Variants in EPG5 observed in about 807,000 individuals in gnomAD.
EPG5 encodes the protein ectopic P granules protein 5 homolog.
A neutral mutation model predicts 302.7 loss-of-function variants in EPG5; 159 were observed. The ratio of observed to expected loss-of-function variants is 0.53; its 90% CI spans 0.46 to 0.60. EPG5 has a LOEUF of 0.60. EPG5 is among the 20% of genes least tolerant of loss of function. The probability of loss-of-function intolerance (pLI) is 0.00; values close to 1 mark genes in which losing one functional copy is unlikely to be tolerated. For synonymous variants in EPG5, 1,158 were observed against 1,136.8 expected (o/e 1.02, Z -0.37); for missense variants, 2,896 against 3,092.4 (o/e 0.94, Z 1.51).
chr18:45,807,799 CT>C, the EPG5 span, among the ~76,000 whole-genome samples: 7 of 152,184 alleles, frequency 4.6e-5, no homozygotes, highest in Non-Finnish European at 1.0e-4. Flanking sequence ...AAAACCAACT[CT>C]GGTAATATGG....
intron 27 of EPG5, among the ~76,000 whole-genome samples, chr18:45,893,543 ACT>A (rs1004266193): frequency 7.7e-6 from 1 of 130,014 alleles, no homozygotes; most frequent in Non-Finnish European, 1.7e-5. Flanking sequence ...ACAGAGTGAG[ACT>A]CTGTCTAAAA....
At position 45,916,176 on chromosome 18, in the gene EPG5, C is replaced by T. The variant is rs2050026890; in HGVS notation, c.3415G>A (p.Glu1139Lys). 15 of 1,613,934 alleles carry T rather than the reference C, an allele frequency of 9.3e-6. No homozygotes were observed. Among genetic ancestry groups the T allele is most frequent in the Non-Finnish European group, 1.3e-5 (15 of 1,179,876 alleles). Residue 1139 changes from glutamate to lysine, a missense_variant, in exon 19 of 44, where the codon GAA (glutamate) becomes AAA (lysine). This residue lies in a region of EPG5 where 1,390 missense variants were observed against 1,430.0 expected (regional missense o/e 0.97). Coordinates refer to ENST00000282041, the MANE Select transcript of EPG5 (RefSeq NM_020964.3). Reference protein sequence around the residue: ...AHISVSTQPNEVGPVAVLEFW... With the variant: ...AHISVSTQPNKVGPVAVLEFW... Reference sequence around the variant, plus strand: ...TCCAACACAGCAACGGGGCCCACTTCATTGGGCTGAGTGCTTACAGATATG... The same window carrying T: ...TCCAACACAGCAACGGGGCCCACTTTATTGGGCTGAGTGCTTACAGATATG...
the EPG5 span, among the ~76,000 whole-genome samples, chr18:45,829,339 C>CT: frequency 6.6e-6 from 1 of 152,224 alleles, no homozygotes; most frequent in African/African-American, 2.4e-5. Flanking sequence ...CTGGTTTGTG[C>CT]TGACAGTTGG....
chr18:45,860,878 T>G (rs995477693), intron 39 of EPG5, among the ~76,000 whole-genome samples: 5 of 152,168 alleles, frequency 3.3e-5, no homozygotes. Flanking sequence ...TATTTCTTTG[T>G]TTTTTAAATA....
intron 1 of EPG5, among the ~76,000 whole-genome samples, chr18:45,966,970 C>A (rs1268896760): frequency 6.6e-6 from 1 of 151,942 alleles, no homozygotes; most frequent in Non-Finnish European, 1.5e-5. Flanking sequence ...AAAATGGGGT[C>A]CTGACAGAGT....
At chr18:45,827,329 G>A in the EPG5 span, among the ~76,000 whole-genome samples, 1 of 152,184 alleles carries the variant, frequency 6.6e-6, no homozygotes, top group Non-Finnish European at 1.5e-5. Context: ...CAGGTGTGTG[G>A]GGCTTTTGGC....
intron 21 of EPG5, among the ~76,000 whole-genome samples, chr18:45,912,880 G>A (rs2049940323): frequency 6.6e-6 from 1 of 152,166 alleles, no homozygotes; most frequent in Admixed American, 6.5e-5. Context: ...TTCAGGTCAA[G>A]AGTTCAAGAC....
chr18:45,857,027 T>G (rs1403306618), intron 42 of EPG5, among the ~76,000 whole-genome samples: 1 of 152,158 alleles, frequency 6.6e-6, no homozygotes, highest in Non-Finnish European at 1.5e-5. Flanking sequence ...TAAGCAATTC[T>G]CCTGCCTCAG....
chr18:45,830,674 C>T, the EPG5 span, among the ~76,000 whole-genome samples: 1 of 145,906 alleles, frequency 6.9e-6, no homozygotes, highest in South Asian at 2.2e-4. Flanking sequence ...CAACCTCCGC[C>T]TCCCAGGTTC....
At chr18:45,806,988 C>G in the EPG5 span, among the ~76,000 whole-genome samples, 5 of 152,122 alleles carry the variant, frequency 3.3e-5, 1 homozygote, top group Admixed American at 3.3e-4. Context: ...CAGCCCTGCT[C>G]GCCCATTGCC....
intron 20 of EPG5, 43 bp downstream of exon 20, chr18:45,915,468 A>G: frequency 7.4e-7 from 1 of 1,354,740 alleles, no homozygotes; most frequent in East Asian, 2.3e-5. Flanking sequence ...ATGAGATTAA[A>G]GTTCACAAAG....
chr18:45,836,497 C>A, the EPG5 span, among the ~76,000 whole-genome samples: 5 of 152,284 alleles, frequency 3.3e-5, no homozygotes, highest in South Asian at 1.0e-3. Context: ...CCCCTCTCCC[C>A]CAAAGCAGCA....
At chr18:45,827,247 C>G in the EPG5 span, among the ~76,000 whole-genome samples, 1 of 152,180 alleles carries the variant, frequency 6.6e-6, no homozygotes, top group South Asian at 2.1e-4. Flanking sequence ...GAAACATTCT[C>G]TTTTCACAGA....
rs372581222 is a variant in EPG5, at chr18:45,943,208, A to T, written c.1896T>A (p.Asn632Lys). 6.2e-6 allele frequency: 10 copies of T among 1,614,192 alleles called. No individual in the cohort carries two copies. Among genetic ancestry groups the T allele is most frequent in the Non-Finnish European group, 7.6e-6 (9 of 1,180,026 alleles). The change falls in exon 9 of 44, where the codon AAT becomes AAA. Residue 632 changes from asparagine to lysine, a missense_variant. Coordinates refer to ENST00000282041, the MANE Select transcript of EPG5 (RefSeq NM_020964.3). ...TCACAAACTGCCTATAGCGTGCTCT[A>T]TTAAAGGTTTCTAACCCCACAGCCA... ...ELLAVGLETF[N>K]RARYRQFVKR...
Position 45,953,434 on chromosome 18 carries a change from C to T in EPG5, c.1009-791G>A, listed in dbSNP as rs898816893. On this transcript the variant is annotated intron_variant, in intron 2 of 43. Transcript: ENST00000282041. Reference sequence around the variant, plus strand: ...ATACAGTATTTCCAAATATTTCCCTCCTTACTATGTACAGAGATATACAGG... The same window carrying T: ...ATACAGTATTTCCAAATATTTCCCTTCTTACTATGTACAGAGATATACAGG... 7.1e-6 allele frequency: 7 copies of T among 985,258 alleles called. No individual in the cohort carries two copies. The African/African-American group carries it at 8.7e-5, about 12-fold the overall frequency. 61.0% of individuals were successfully genotyped at this position (985,258 alleles called of 1,614,324 possible).
chr18:45,934,841 A>T lies in EPG5; in HGVS notation c.2225T>A (p.Leu742Gln). The T allele has an allele frequency of 6.2e-7, 1 of 1,614,048 alleles. No individual in the cohort carries two copies. Among genetic ancestry groups the T allele is most frequent in the East Asian group, 2.2e-5 (1 of 44,874 alleles). ...CTGCTGCTTGCACTGGGCGGGCTGCAGGGAGGAGGAGAGCTGCTGCAGGTT... is the reference window on the plus strand; with the variant it reads ...CTGCTGCTTGCACTGGGCGGGCTGCTGGGAGGAGGAGAGCTGCTGCAGGTT... ...SENLQQLSSS[L>Q]QPAQCKQQLQ... The change falls in exon 11 of 44, where the codon CTG (leucine) becomes CAG (glutamine). Residue 742 changes from leucine (L) to glutamine (Q), a missense_variant. Around this residue, in one of 5 missense-constraint regions of EPG5, gnomAD observed 1,390 missense variants for 1,430.0 expected, o/e 0.97. Transcript: ENST00000282041.
intron 10 of EPG5, among the ~76,000 whole-genome samples, chr18:45,938,647 C>T (rs950098094): frequency 1.3e-5 from 2 of 152,074 alleles, no homozygotes; most frequent in Non-Finnish European, 1.5e-5. Flanking sequence ...TTTGAAAAGT[C>T]CTTTATGGTT....
At chr18:45,880,369 G>T in intron 31 of EPG5, 146 bp from the exon 32 acceptor site, 1 of 758,940 alleles carries the variant, frequency 1.3e-6, no homozygotes, top group Non-Finnish European at 1.9e-6. Context: ...GGGTGAGGAG[G>T]CCCAAGTAAA....
At chr18:45,864,403 T>C (rs1171407254) in intron 39 of EPG5, among the ~76,000 whole-genome samples, 3 of 152,238 alleles carry the variant, frequency 2.0e-5, no homozygotes, top group East Asian at 1.9e-4. Context: ...TTCTAAATTA[T>C]ATAAATCTCT....
Sources: gnomAD v4.1 joint callset for allele counts (sites outside exome capture counted in the v4.1 genomes callset) on GRCh38, gnomAD v4.1.1 for gene constraint, gnomAD v4.1.1 regional missense constraint, MANE v1.5 for transcripts, NCBI Gene and HGNC (gene_info 2026-07-23, HGNC 2026-07-21) for gene names.